WDFY3: variants seen among roughly 807,000 people sequenced by gnomAD.
WDFY3 encodes WD repeat and FYVE domain-containing protein 3.
Under a neutral mutation model 409.6 loss-of-function variants are expected in WDFY3, and 66 were observed. The ratio of observed to expected loss-of-function variants is 0.16; its 90% CI spans 0.13 to 0.20. The LOEUF is 0.20. WDFY3 is among the 10% of genes least tolerant of loss of function. The pLI, the probability that WDFY3 is intolerant of heterozygous loss-of-function variation, is 1.00. For missense variants in WDFY3, 3,031 were observed against 4,298.1 expected, an observed-to-expected ratio of 0.71 and a Z score of 8.24; for synonymous variants, 1,521 against 1,537.1, an observed-to-expected ratio of 0.99 and a Z score of 0.25.
chr4:84,942,501 C>T (rs1359639954), intron 1 of WDFY3, among the ~76,000 whole-genome samples: 2 of 152,138 alleles, frequency 1.3e-5, no homozygotes, highest in Non-Finnish European at 2.9e-5. Flanking sequence ...TTTTTGTGGA[C>T]ATGTGCTTTC....
intron 21 of WDFY3, among the ~76,000 whole-genome samples, chr4:84,791,220 C>T (rs184508424): frequency 2.6e-4 from 39 of 152,062 alleles, no homozygotes; most frequent in Admixed American, 1.6e-3. Context: ...TAATATTTAG[C>T]CTTAAAGAAG....
chr4:84,754,808 T>C (rs1741150363), intron 34 of WDFY3, among the ~76,000 whole-genome samples: 1 of 152,192 alleles, frequency 6.6e-6, no homozygotes, highest in South Asian at 2.1e-4. Flanking sequence ...TAATAACATA[T>C]ACTACAAATA....
chr4:84,842,458 C>G (rs374301961), intron 5 of WDFY3, among the ~76,000 whole-genome samples: 1 of 150,022 alleles, frequency 6.7e-6, no homozygotes, highest in African/African-American at 2.5e-5. Context: ...GCCTGGGCAA[C>G]AGAGTGAGAC....
Position 84,766,343 on chromosome 4 carries a change from A to G in WDFY3, c.4879T>C (p.Ser1627Pro). 1 of 1,602,030 alleles carries G rather than the reference A, an allele frequency of 6.2e-7. No individual in the cohort carries two copies. The highest frequency in any genetic ancestry group is 8.5e-7 in the Non-Finnish European group (1 of 1,176,610). ...TTCCTCAAAAGTATAAGATTAGCTG[A>G]TACAAGACCTCCAAACTCCTCTTCA... ...GTEEEFGGLV[S>P]ANLILLRNRL... is the part of the protein sequence containing the mutation. The change falls in exon 31 of 68, where the codon TCA becomes CCA. Residue 1627 changes from serine (S) to proline (P), a missense_variant. Coordinates refer to ENST00000295888, the MANE Select transcript of WDFY3 (RefSeq NM_014991.6).
At chr4:84,733,824 CATGGAT>C in intron 43 of WDFY3, among the ~76,000 whole-genome samples, 1 of 152,232 alleles carries the variant, frequency 6.6e-6, no homozygotes, top group South Asian at 2.1e-4. Flanking sequence ...AAATGACAGA[CATGGAT>C]AGGGTAGAGT....
chr4:84,814,993 A>G (rs1481041158), intron 13 of WDFY3, among the ~76,000 whole-genome samples: 2 of 152,152 alleles, frequency 1.3e-5, no homozygotes, highest in East Asian at 3.9e-4. Flanking sequence ...TCCCACGCAC[A>G]TATGAGGTAG....
chr4:84,854,036 A>T lies in WDFY3; in HGVS notation c.181-4011T>A, dbSNP rs562351403. On this transcript the variant is annotated intron_variant, in intron 4 of 67. Coordinates refer to ENST00000295888, the MANE Select transcript of WDFY3 (RefSeq NM_014991.6). Reference sequence around the variant, plus strand: ...GTTGATTTTAAAATTAAAATTATTTAAAGATAGTATTATGAAGAAAGTAAA... The same window carrying T: ...GTTGATTTTAAAATTAAAATTATTTTAAGATAGTATTATGAAGAAAGTAAA... Among the ~76,000 whole-genome samples the T allele has an allele frequency of 1.4e-3, 216 of 152,346 alleles. 1 individual carries two copies. The highest frequency in any genetic ancestry group is 5.0e-3 in the African/African-American group (208 of 41,570).
At chr4:84,742,483 CAT>C (rs1313843028) in intron 37 of WDFY3, among the ~76,000 whole-genome samples, 1 of 152,096 alleles carries the variant, frequency 6.6e-6, no homozygotes, top group Non-Finnish European at 1.5e-5. Context: ...TTGCCATATA[CAT>C]ATTGCTTTCA....
intron 56 of WDFY3, among the ~76,000 whole-genome samples, chr4:84,698,084 A>T (rs1428150356): frequency 6.6e-6 from 1 of 152,132 alleles, no homozygotes; most frequent in Non-Finnish European, 1.5e-5. Context: ...TGAAATGCCC[A>T]CTAGGTCTAA....
chr4:84,751,779 T>C (rs1002968227), intron 35 of WDFY3, 63 bp from the exon 36 acceptor site: 4 of 1,567,350 alleles, frequency 2.6e-6, no homozygotes, highest in Non-Finnish European at 2.6e-6. Context: ...TACTTCTGTG[T>C]TTCCTAAAAA....
intron 61 of WDFY3, among the ~76,000 whole-genome samples, chr4:84,689,650 C>G (rs1004736126): frequency 2.6e-5 from 4 of 152,128 alleles, no homozygotes; most frequent in African/African-American, 9.7e-5. Flanking sequence ...TGAAGTCAGA[C>G]AGAACTTAAT....
At chr4:84,922,649 C>A (rs1769440218) in intron 2 of WDFY3, among the ~76,000 whole-genome samples, 1 of 151,532 alleles carries the variant, frequency 6.6e-6, no homozygotes, top group Non-Finnish European at 1.5e-5. Context: ...GAGGCAAAGT[C>A]TGTTTTGTTG....
intron 2 of WDFY3, among the ~76,000 whole-genome samples, chr4:84,899,058 T>C (rs1293669404): frequency 6.6e-6 from 1 of 152,214 alleles, no homozygotes; most frequent in Non-Finnish European, 1.5e-5. Context: ...TATCCAGCTA[T>C]ACCCAATTTC....
intron 13 of WDFY3, among the ~76,000 whole-genome samples, chr4:84,814,435 T>A (rs1347962345): frequency 6.6e-6 from 1 of 152,192 alleles, no homozygotes; most frequent in Non-Finnish European, 1.5e-5. Flanking sequence ...TAGTTACCTG[T>A]GCTCAAACTT....
chr4:84,959,126 C>G (rs1001742463), intron 1 of WDFY3, among the ~76,000 whole-genome samples: 2 of 152,104 alleles, frequency 1.3e-5, no homozygotes, highest in African/African-American at 4.8e-5. Flanking sequence ...AGCACTGTGC[C>G]TAACAGACAG....
chr4:84,899,647 C>T (rs1461815397), intron 2 of WDFY3, among the ~76,000 whole-genome samples: 1 of 152,136 alleles, frequency 6.6e-6, no homozygotes, highest in Non-Finnish European at 1.5e-5. Flanking sequence ...TCCTTTCACA[C>T]TACAACAGCA....
At chr4:84,808,567 C>T in intron 14 of WDFY3, 150 bp from the exon 15 acceptor site, 1 of 619,262 alleles carries the variant, frequency 1.6e-6, no homozygotes, top group Non-Finnish European at 2.9e-6. Flanking sequence ...AAGACTACAA[C>T]ACAAGCACTG....
At position 84,740,258 on chromosome 4, in the gene WDFY3, C is replaced by T; in HGVS notation, c.6393G>A (p.Leu2131=). Residue 2131 remains leucine, a synonymous_variant, in exon 39 of 68, where the codon CTG becomes CTA. Transcript: ENST00000295888. ...RVLTVNRNLI[L]GPGNHDQEFI... ...ATTCTTGGTCATGGTTCCCAGGTCC[C>T]AGGATCAAGTTTCTGTTTACAGTGA... 6.2e-7 allele frequency: 1 copy of T among 1,614,004 alleles called. No homozygotes were observed. The highest frequency in any genetic ancestry group is 8.5e-7 in the Non-Finnish European group (1 of 1,179,998).
chr4:84,886,349 A>AACC (rs1305645003), intron 3 of WDFY3: 1 of 152,106 alleles, frequency 6.6e-6, no homozygotes, highest in Non-Finnish European at 1.5e-5. Context: ...GTCTCAAGTG[A>AACC]ACCACATTTA....
Sources: allele counts gnomAD v4.1 joint callset (sites outside exome capture counted in the v4.1 genomes callset), GRCh38; gene constraint gnomAD v4.1.1; transcripts MANE v1.5; gene names NCBI Gene and HGNC (gene_info 2026-07-23, HGNC 2026-07-21).